The following CCNH variants were observed in gnomAD, a reference collection of about 807,000 sequenced individuals.
The protein encoded by CCNH is cyclin H, also known as cyclin-H.
In CCNH, 31 loss-of-function variants were observed where a neutral mutation model predicts 41.9. That is an observed-to-expected ratio of 0.74 (90% CI 0.56 to 1.00). CCNH has a LOEUF of 1.00. Among genes scored for constraint, CCNH ranks in the 50% least tolerant of loss-of-function variants. The probability of loss-of-function intolerance (pLI) is 0.00; values close to 1 mark genes in which losing one functional copy is unlikely to be tolerated. For missense variants in CCNH, 362 were observed against 388.4 expected (o/e 0.93, Z 0.57); for synonymous variants, 138 against 136.1 (o/e 1.01, Z -0.10).
chr5:87,315,624 A>G (rs1185913464), downstream of CCNH, among the ~76,000 whole-genome samples: 2 of 152,252 alleles, frequency 1.3e-5, no homozygotes, highest in Non-Finnish European at 2.9e-5. Flanking sequence ...CTCAACCTAG[A>G]GTAAATATAG....
chr5:87,371,961 T>G (rs954501352), downstream of CCNH, among the ~76,000 whole-genome samples: 1 of 152,046 alleles, frequency 6.6e-6, no homozygotes, highest in Non-Finnish European at 1.5e-5. Flanking sequence ...GTTATTTTAT[T>G]ATTGGTTATT....
At chr5:87,369,253 C>T (rs1306365972) in intron 9 of CCNH, among the ~76,000 whole-genome samples, 1 of 152,058 alleles carries the variant, frequency 6.6e-6, no homozygotes, top group Admixed American at 6.6e-5. Context: ...ACTTACATAT[C>T]AAATGATTTG....
At chr5:87,388,496 T>A (rs1441709320), downstream of CCNH, among the ~76,000 whole-genome samples, 1 of 152,178 alleles carries the variant, frequency 6.6e-6, no homozygotes, top group Non-Finnish European at 1.5e-5. Flanking sequence ...AATTTTGGAT[T>A]TTTGGATTGG....
chr5:87,367,651 T>C (rs1308240809), intron 9 of CCNH, among the ~76,000 whole-genome samples: 1 of 152,238 alleles, frequency 6.6e-6, no homozygotes, highest in Non-Finnish European at 1.5e-5. Context: ...GACACAAAGT[T>C]ATTCTAGTGA....
chr5:87,369,025 T>C (rs1760733109), intron 9 of CCNH, among the ~76,000 whole-genome samples: 1 of 152,202 alleles, frequency 6.6e-6, no homozygotes, highest in African/African-American at 2.4e-5. Context: ...GAAAATATAG[T>C]CTTTATCTTT....
chr5:87,338,534 A>ATATATATATATATATAT (rs1561292504), intron 9 of CCNH, among the ~76,000 whole-genome samples: 35 of 46,096 alleles, frequency 7.6e-4, no homozygotes, highest in Non-Finnish European at 1.4e-3. Flanking sequence ...TATATATATA[A>ATATATATATATATATAT]AATTTTTTTT....
intron 9 of CCNH, among the ~76,000 whole-genome samples, chr5:87,326,642 A>T (rs1757250127): frequency 6.6e-6 from 1 of 152,202 alleles, no homozygotes; most frequent in Non-Finnish European, 1.5e-5. Flanking sequence ...TTTAAGTCAT[A>T]GTATCTCAAG....
At chr5:87,385,219 T>A in intron 9 of CCNH, 1 of 906,474 alleles carries the variant, frequency 1.1e-6, no homozygotes, top group Non-Finnish European at 1.8e-6. Flanking sequence ...AGTAAAGAAA[T>A]ATTAAAGTGC....
intron 9 of CCNH, among the ~76,000 whole-genome samples, chr5:87,358,422 A>G (rs539083359): frequency 8.5e-5 from 13 of 152,338 alleles, no homozygotes; most frequent in Admixed American, 5.9e-4. Flanking sequence ...TGAGAGGTTA[A>G]TAACTTAAAT....
chr5:87,345,993 G>C (rs1436481694), intron 9 of CCNH, among the ~76,000 whole-genome samples: 1 of 151,986 alleles, frequency 6.6e-6, no homozygotes, highest in Non-Finnish European at 1.5e-5. Context: ...TTTATTTGAA[G>C]GTAAAATTTA....
chr5:87,328,543 C>T (rs1177125726), intron 9 of CCNH, among the ~76,000 whole-genome samples: 1 of 152,086 alleles, frequency 6.6e-6, no homozygotes, highest in Admixed American at 6.5e-5. Context: ...CCAAAGTGTT[C>T]ACTCTTGGGA....
At chr5:87,342,750 T>A (rs991573798) in intron 9 of CCNH, among the ~76,000 whole-genome samples, 3 of 152,154 alleles carry the variant, frequency 2.0e-5, no homozygotes, top group African/African-American at 7.2e-5. Flanking sequence ...TCACTTTGTC[T>A]AGTTGTCTAG....
intron 9 of CCNH, among the ~76,000 whole-genome samples, chr5:87,358,095 T>C (rs58689295): frequency 0.069 from 10,456 of 152,182 alleles, 813 homozygotes; most frequent in African/African-American, 0.19. Flanking sequence ...AATTGATTAG[T>C]TAGCAAATCA....
In CCNH at chr5:87,377,052, C is replaced by G; in HGVS notation, n.129G>C. ...AATAAGCATGGAAGGTATGGTATGGCCATGTTAGTGTGATACAAGAAACTG... is the reference window on the plus strand; with the variant it reads ...AATAAGCATGGAAGGTATGGTATGGGCATGTTAGTGTGATACAAGAAACTG... On this transcript the variant is annotated non_coding_transcript_exon_variant, in exon 1 of 1. Coordinates refer to the CCNH transcript ENST00000607486. The G allele has an allele frequency of 6.2e-7, 1 of 1,610,072 alleles. No homozygotes were observed.
chr5:87,375,621 A>T (rs1344381767), downstream of CCNH, among the ~76,000 whole-genome samples: 1 of 152,094 alleles, frequency 6.6e-6, no homozygotes, highest in Non-Finnish European at 1.5e-5. Context: ...ATTTCCCTTA[A>T]ACTTGAATAT....
chr5:87,356,167 T>C (rs1312749735), intron 9 of CCNH, among the ~76,000 whole-genome samples: 1 of 152,136 alleles, frequency 6.6e-6, no homozygotes, highest in Non-Finnish European at 1.5e-5. Flanking sequence ...TTGAAAGAAG[T>C]TCAACTGTGG....
At chr5:87,317,797 A>G (rs1243877738), downstream of CCNH, among the ~76,000 whole-genome samples, 1 of 151,680 alleles carries the variant, frequency 6.6e-6, no homozygotes, top group African/African-American at 2.4e-5. Flanking sequence ...CACCACACTC[A>G]GCTAATTTTT....
chr5:87,367,539 T>A (rs901942131), intron 9 of CCNH, among the ~76,000 whole-genome samples: 4 of 152,186 alleles, frequency 2.6e-5, no homozygotes, highest in Admixed American at 2.0e-4. Flanking sequence ...GCTGTGCAAT[T>A]TTTCCAGATT....
intron 9 of CCNH, chr5:87,332,678 AT>A (rs774780156): frequency 1.6e-5 from 25 of 1,566,386 alleles, no homozygotes; most frequent in Admixed American, 3.4e-5. Context: ...TCAAAACTTT[AT>A]TTTTTCAGTA....
Sources: allele counts gnomAD v4.1 joint callset (sites outside exome capture counted in the v4.1 genomes callset), GRCh38; gene constraint gnomAD v4.1.1; transcripts MANE v1.5; gene names NCBI Gene and HGNC (gene_info 2026-07-23, HGNC 2026-07-21).